KIF1B: variants seen among roughly 807,000 people sequenced by gnomAD.
KIF1B encodes kinesin-like protein KIF1B.
A neutral mutation model predicts 241.9 loss-of-function variants in KIF1B; 76 were observed. That is an observed-to-expected ratio of 0.31 (90% CI 0.26 to 0.38). KIF1B has a LOEUF of 0.38. Ranked by LOEUF, KIF1B falls within the 10% of genes least tolerant of loss-of-function variation. KIF1B has a pLI of 1.00. For synonymous variants in KIF1B, 750 were observed against 796.7 expected, an observed-to-expected ratio of 0.94 and a Z score of 0.99; for missense variants, 1,622 against 2,271.4, an observed-to-expected ratio of 0.71 and a Z score of 5.81.
chr1:10,378,496 C>A lies in KIF1B; in HGVS notation c.*1909C>A, dbSNP rs1638945194. 1.4e-6 allele frequency: 1 copy of A among 714,658 alleles called. No homozygotes were observed. Among genetic ancestry groups the A allele is most frequent in the Non-Finnish European group, 2.6e-6 (1 of 383,644 alleles). The allele number at this position is 714,658 out of a possible 1,614,324, so 44.3% of individuals were successfully genotyped here. On this transcript the variant is annotated 3_prime_UTR_variant, in exon 49 of 49. Transcript: ENST00000676179. ...ATTGTTTTACACCATCCTTTACTTC[C>A]CTTGCTCAGACCTCTCTGTTTCACC...
chr1:10,306,080 T>C, intron 22 of KIF1B: 1 of 1,043,822 alleles, frequency 9.6e-7, no homozygotes, highest in Non-Finnish European at 1.2e-6. Context: ...GAACACATTA[T>C]TTTTAATCAT....
intron 23 of KIF1B, among the ~76,000 whole-genome samples, chr1:10,320,911 G>T (rs1019066876): frequency 6.6e-6 from 1 of 151,968 alleles, no homozygotes; most frequent in Non-Finnish European, 1.5e-5. Flanking sequence ...ATGTTGGTCA[G>T]ACTGGTCTCA....
intron 37 of KIF1B, among the ~76,000 whole-genome samples, chr1:10,352,254 G>A (rs1652821587): frequency 6.6e-6 from 1 of 150,704 alleles, no homozygotes; most frequent in Admixed American, 6.6e-5. Context: ...GGTGTGAATA[G>A]CAGGTCAGAA....
At position 10,343,248 on chromosome 1, in the gene KIF1B, C is replaced by A; in HGVS notation, c.3649C>A (p.Arg1217Ser). ...QELNSPPQPC[R>S]RFFPPPMPLS... Reference sequence around the variant, plus strand: ...TCTTTGCAGTCCGCCTCAGCCGTGCCGCCGATTCTTCCCTCCACCCATGCC... The same window carrying A: ...TCTTTGCAGTCCGCCTCAGCCGTGCAGCCGATTCTTCCCTCCACCCATGCC... Residue 1217 changes from arginine (R) to serine (S), a missense_variant, in exon 34 of 49, where the codon CGC (arginine) becomes AGC (serine). This residue lies in a region of KIF1B where 803 missense variants were observed against 1,112.0 expected (regional missense o/e 0.72). Coordinates refer to ENST00000676179, the MANE Select transcript of KIF1B (RefSeq NM_001365951.3). 2 of 1,614,156 alleles carry A rather than the reference C, an allele frequency of 1.2e-6. No homozygotes were observed. Among genetic ancestry groups the A allele is most frequent in the Non-Finnish European group, 1.7e-6 (2 of 1,180,022 alleles).
At chr1:10,323,584 T>G (rs1230258632) in intron 24 of KIF1B, among the ~76,000 whole-genome samples, 1 of 152,210 alleles carries the variant, frequency 6.6e-6, no homozygotes, top group Non-Finnish European at 1.5e-5. Context: ...ATTGCATCAC[T>G]GCACCCAGCC....
intron 2 of KIF1B, among the ~76,000 whole-genome samples, chr1:10,241,094 G>A (rs1460649263): frequency 1.3e-5 from 2 of 152,020 alleles, no homozygotes; most frequent in African/African-American, 4.8e-5. Context: ...TAAAAATTAT[G>A]TAAGTTGTTC....
intron 44 of KIF1B, 79 bp downstream of exon 44, chr1:10,368,617 GT>G (rs1178987092): frequency 1.9e-5 from 24 of 1,285,384 alleles, no homozygotes; most frequent in Non-Finnish European, 2.6e-5. Flanking sequence ...CCTATTCCTG[GT>G]TTTTGCTGCT....
intron 1 of KIF1B, among the ~76,000 whole-genome samples, chr1:10,223,970 T>C (rs1260756836): frequency 6.6e-6 from 1 of 152,180 alleles, no homozygotes; most frequent in East Asian, 1.9e-4. Context: ...GCCCGGCTAA[T>C]TTTTGTGTTT....
intron 1 of KIF1B, among the ~76,000 whole-genome samples, chr1:10,212,820 G>A (rs2102078461): frequency 6.7e-6 from 1 of 149,942 alleles, no homozygotes; most frequent in African/African-American, 2.4e-5. Context: ...AGGCTAGCCT[G>A]GGCAACAGCA....
intron 44 of KIF1B, among the ~76,000 whole-genome samples, chr1:10,368,826 A>C (rs1315333485): frequency 6.6e-6 from 1 of 151,976 alleles, no homozygotes; most frequent in Non-Finnish European, 1.5e-5. Flanking sequence ...TTCTATGGGG[A>C]GGTGGTATGT....
chr1:10,211,141 G>A (rs1243281365), intron 1 of KIF1B, among the ~76,000 whole-genome samples: 2 of 152,184 alleles, frequency 1.3e-5, no homozygotes, highest in African/African-American at 4.8e-5. Flanking sequence ...CGCGCTGCCA[G>A]GCCCCGGCTG....
At chr1:10,357,091 G>A (rs1479649008) in intron 38 of KIF1B, among the ~76,000 whole-genome samples, 1 of 152,020 alleles carries the variant, frequency 6.6e-6, no homozygotes, top group Non-Finnish European at 1.5e-5. Flanking sequence ...TATTGCCCAC[G>A]CTGGCCTCAA....
At chr1:10,244,315 CTTTT>C (rs571243520) in intron 2 of KIF1B, among the ~76,000 whole-genome samples, 1 of 127,530 alleles carries the variant, frequency 7.8e-6, no homozygotes, top group African/African-American at 3.0e-5. Flanking sequence ...TTTTTCTTTT[CTTTT>C]TTTTTTTTTT....
intron 28 of KIF1B, 56 bp from the exon 29 acceptor site, chr1:10,336,597 TTCCC>T: frequency 1.5e-6 from 2 of 1,344,520 alleles, no homozygotes; most frequent in Non-Finnish European, 2.1e-6. Context: ...CAAGAGCTTT[TTCCC>T]TCCCTCCCCC....
At chr1:10,348,779 A>T (rs765896960) in intron 37 of KIF1B, 46 bp downstream of exon 37, 13 of 1,248,910 alleles carry the variant, frequency 1.0e-5, no homozygotes, top group Non-Finnish European at 1.4e-5. Flanking sequence ...ACTTACAGAG[A>T]TTTTTTTTTT....
rs374020844 is a variant in KIF1B at position 10,245,154 on chromosome 1, G to A, written c.107-11093G>A. Among the ~76,000 whole-genome samples, 6 of 152,140 alleles carry A rather than the reference G, an allele frequency of 3.9e-5. No individual in the cohort carries two copies. The East Asian group carries it at 7.7e-4, about 20-fold the overall frequency. ...AATTTATTCTGGGGAATTAAAAGGC[G>A]TTTAAATACTAATCTTGTTTTGACT... On this transcript the variant is annotated intron_variant, in intron 2 of 48. Coordinates refer to ENST00000676179, the MANE Select transcript of KIF1B (RefSeq NM_001365951.3).
In KIF1B at chr1:10,326,143, G is replaced by A. The variant is rs778403355; in HGVS notation, c.2708G>A (p.Arg903His). ...SPIFHGCVNE[R>H]LADRTPSPTF... ...ATTTTCCACGGCTGTGTGAACGAGCGCCTTGCCGACCGCACACCCTCCCCC... is the reference window on the plus strand; with the variant it reads ...ATTTTCCACGGCTGTGTGAACGAGCACCTTGCCGACCGCACACCCTCCCCC... Residue 903 changes from arginine to histidine, a missense_variant, in exon 27 of 49, where the codon CGC becomes CAC. Physicochemically the swap from Arg to His is conservative, Grantham distance 29. Coordinates refer to ENST00000676179, the MANE Select transcript of KIF1B (RefSeq NM_001365951.3). The surrounding 1 kb of genome is among the most constrained non-coding windows in gnomAD (Gnocchi z 5.2). 4.3e-6 allele frequency: 7 copies of A among 1,614,086 alleles called. 1 individual carries two copies. Among genetic ancestry groups the A allele is most frequent in the South Asian group, 2.2e-5 (2 of 91,076 alleles).
At chr1:10,334,977 C>T (rs1652110817) in intron 28 of KIF1B, among the ~76,000 whole-genome samples, 2 of 149,000 alleles carry the variant, frequency 1.3e-5, no homozygotes, top group African/African-American at 5.0e-5. Flanking sequence ...CTCACTTTGT[C>T]GTCCAGGCTG....
intron 22 of KIF1B, among the ~76,000 whole-genome samples, chr1:10,300,862 A>G (rs1650507265): frequency 6.6e-6 from 1 of 152,236 alleles, no homozygotes; most frequent in Non-Finnish European, 1.5e-5. Flanking sequence ...GTGTAAATTT[A>G]GCAAACTTTT....
Sources: gnomAD v4.1 joint callset for allele counts (sites outside exome capture counted in the v4.1 genomes callset) on GRCh38, gnomAD v4.1.1 for gene constraint, gnomAD v4.1.1 regional missense constraint, Gnocchi (gnomAD v3.1) non-coding constraint, MANE v1.5 for transcripts, NCBI Gene and HGNC (gene_info 2026-07-23, HGNC 2026-07-21) for gene names.